The following RBM33 variants were observed in gnomAD, a reference collection of about 807,000 sequenced individuals.
RBM33 encodes the protein RNA-binding protein 33.
In RBM33, 28 loss-of-function variants were observed where a neutral mutation model predicts 132.6. The observed-to-expected ratio is 0.21, with a 90% CI of 0.16 to 0.29. RBM33 has a LOEUF of 0.29. Among genes scored for constraint, RBM33 ranks in the 10% least tolerant of loss-of-function variants. The probability of loss-of-function intolerance (pLI) is 1.00; values close to 1 mark genes in which losing one functional copy is unlikely to be tolerated. For synonymous variants in RBM33, 634 were observed against 593.0 expected, an observed-to-expected ratio of 1.07 and a Z score of -1.01; for missense variants, 1,291 against 1,518.5, an observed-to-expected ratio of 0.85 and a Z score of 2.49.
rs533831102 is a variant in RBM33, at chr7:155,724,633, A to T, written c.1260+6190A>T. 3.3e-5 allele frequency among the ~76,000 whole-genome samples: 5 copies of T among 152,288 alleles called. 1 individual carries two copies. The South Asian group carries it at 8.3e-4, about 25-fold the overall frequency. On this transcript the variant is annotated intron_variant, in intron 9 of 17. Coordinates refer to ENST00000401878, the MANE Select transcript of RBM33 (RefSeq NM_053043.3). ...AGTGCTTTGAGCGTACAGGTGTGTG[A>T]GTTTCGCCTAGTGCCTACAGTTATA... is the stretch of plus-strand genomic sequence containing the variant.
intron 16 of RBM33, among the ~76,000 whole-genome samples, chr7:155,767,379 G>A (rs1563183378): frequency 1.3e-5 from 2 of 152,254 alleles, no homozygotes; most frequent in Non-Finnish European, 1.5e-5. Flanking sequence ...GATCTGGTGT[G>A]TCTGGGGGCA....
intron 3 of RBM33, among the ~76,000 whole-genome samples, chr7:155,673,436 G>GTA (rs1799006217): frequency 1.0e-5 from 1 of 98,386 alleles, no homozygotes; most frequent in African/African-American, 3.2e-5. Flanking sequence ...GTGTGTGTGT[G>GTA]TGTGTATGTG....
chr7:155,724,678 C>T (rs1039231202), intron 9 of RBM33, among the ~76,000 whole-genome samples: 1 of 152,152 alleles, frequency 6.6e-6, no homozygotes, highest in African/African-American at 2.4e-5. Flanking sequence ...AGGGACTCTC[C>T]TGCCCCTTGT....
rs1802714541 is a variant in RBM33, at chr7:155,778,929, G to A, written c.*3888G>A. ...GCAGCATGCTGTGCCGGCACATCGT[G>A]GAGTCCTAGAAACTCTCTAGTCCCT... On this transcript the variant is annotated 3_prime_UTR_variant, in exon 18 of 18. Transcript: ENST00000401878. The surrounding 1 kb of genome is among the most constrained non-coding windows in gnomAD (Gnocchi z 4.0). 6.5e-6 allele frequency: 1 copy of A among 152,946 alleles called. No individual in the cohort carries two copies. 9.5% of individuals were successfully genotyped at this position (152,946 alleles called of 1,614,324 possible).
At chr7:155,724,947 C>T (rs890843878) in intron 9 of RBM33, among the ~76,000 whole-genome samples, 1 of 148,904 alleles carries the variant, frequency 6.7e-6, no homozygotes, top group East Asian at 2.0e-4. Flanking sequence ...TTCAAGTCTT[C>T]GGATGTTGTG....
intron 16 of RBM33, among the ~76,000 whole-genome samples, chr7:155,771,545 A>G (rs930905230): frequency 6.6e-6 from 1 of 152,184 alleles, no homozygotes; most frequent in African/African-American, 2.4e-5. Flanking sequence ...ATAGCTTCTC[A>G]ATCAAATCGA....
chr7:155,668,855 A>ATATT (rs1053447663), intron 2 of RBM33, among the ~76,000 whole-genome samples: 20 of 152,110 alleles, frequency 1.3e-4, no homozygotes, highest in African/African-American at 4.8e-4. Flanking sequence ...ACATTGCCTG[A>ATATT]TATTTGTTCA....
intron 7 of RBM33, 21 bp downstream of exon 7, chr7:155,707,089 A>G (rs774104295): frequency 1.6e-4 from 241 of 1,524,670 alleles, no homozygotes; most frequent in Non-Finnish European, 2.1e-4. Context: ...ATTTTCTTGT[A>G]GTAGCCCTAG....
intron 5 of RBM33, among the ~76,000 whole-genome samples, chr7:155,697,032 T>G (rs1799811913): frequency 6.6e-6 from 1 of 152,178 alleles, no homozygotes; most frequent in Non-Finnish European, 1.5e-5. Flanking sequence ...CCCACCTTGG[T>G]CATTTGGGTC....
chr7:155,737,751 C>T, intron 10 of RBM33, 89 bp downstream of exon 10: 1 of 1,362,362 alleles, frequency 7.3e-7, no homozygotes, highest in Non-Finnish European at 9.8e-7. Flanking sequence ...CTGAATTGAA[C>T]TCCCAGTTGG....
In RBM33 at chr7:155,741,875, G is replaced by A. The variant is rs369632582; in HGVS notation, c.2106G>A (p.Ala702=). The part of the protein sequence containing the change: ...KRPMQQMQPT[A]PRNSNLRELP... ...CCATGCAGCAAATGCAGCCCACTGC[G>A]CCAAGGAACAGCAATTTGCGTGAAT... The change falls in exon 13 of 18, where the codon GCG becomes GCA. Residue 702 remains alanine (A), a synonymous_variant. Transcript: ENST00000401878. 20 of 1,613,892 alleles carry A rather than the reference G, an allele frequency of 1.2e-5. No individual in the cohort carries two copies. The highest frequency in any genetic ancestry group is 4.5e-5 in the East Asian group (2 of 44,898).
At chr7:155,738,492 A>G in intron 11 of RBM33, 89 bp downstream of exon 11, 3 of 1,265,030 alleles carry the variant, frequency 2.4e-6, no homozygotes, top group South Asian at 1.5e-5. Flanking sequence ...ATTTGAGCCT[A>G]CTAATTTGTG....
Position 155,714,352 on chromosome 7 carries a change from T to C in RBM33, c.1201+2897T>C, listed in dbSNP as rs143945465. Among the ~76,000 whole-genome samples, 3 of 152,180 alleles carry C rather than the reference T, an allele frequency of 2.0e-5. No individual in the cohort carries two copies. The East Asian group carries it at 5.8e-4, about 29-fold the overall frequency. ...GGCTGAGATGGTGAAAAGGAGATCA[T>C]TGGAGATCTTTGTAGAGTTGAACGA... On this transcript the variant is annotated intron_variant, in intron 8 of 17. Coordinates refer to ENST00000401878, the MANE Select transcript of RBM33 (RefSeq NM_053043.3).
chr7:155,712,512 A>G (rs926015441), intron 8 of RBM33, among the ~76,000 whole-genome samples: 4 of 152,222 alleles, frequency 2.6e-5, no homozygotes, highest in African/African-American at 9.6e-5. Flanking sequence ...ATGTTAGAAG[A>G]TGAAAATGCA....
At chr7:155,753,999 G>A (rs1439047648) in intron 14 of RBM33, among the ~76,000 whole-genome samples, 1 of 152,180 alleles carries the variant, frequency 6.6e-6, no homozygotes, top group Admixed American at 6.5e-5. Flanking sequence ...GTTTTTAAGA[G>A]CTTTGAAATG....
chr7:155,748,283 C>T (rs1801583104), intron 14 of RBM33, among the ~76,000 whole-genome samples: 2 of 152,200 alleles, frequency 1.3e-5, no homozygotes. Context: ...TCTAATTTAA[C>T]TAGTGTAACT....
intron 5 of RBM33, among the ~76,000 whole-genome samples, chr7:155,690,041 C>T (rs1414341445): frequency 2.6e-5 from 4 of 152,098 alleles, no homozygotes; most frequent in Non-Finnish European, 2.9e-5. Context: ...CTTTCTGTCT[C>T]GTTGATCTGT....
intron 5 of RBM33, 146 bp downstream of exon 5, chr7:155,681,054 C>A: frequency 1.5e-6 from 1 of 665,676 alleles, no homozygotes; most frequent in Non-Finnish European, 2.5e-6. Context: ...TTTATCTGAG[C>A]TATGACAAAG....
At chr7:155,754,716 A>C (rs926398206) in intron 14 of RBM33, among the ~76,000 whole-genome samples, 2 of 152,244 alleles carry the variant, frequency 1.3e-5, no homozygotes, top group African/African-American at 4.8e-5. Flanking sequence ...GTTAAGAGAG[A>C]GAGCAAGCAC....
Sources: allele counts gnomAD v4.1 joint callset (sites outside exome capture counted in the v4.1 genomes callset), GRCh38; gene constraint gnomAD v4.1.1; non-coding constraint Gnocchi (gnomAD v3.1); transcripts MANE v1.5; gene names NCBI Gene and HGNC (gene_info 2026-07-23, HGNC 2026-07-21).